PHLPP1: variants seen among roughly 807,000 people sequenced by gnomAD.
PHLPP1 encodes PH domain leucine-rich repeat-containing protein phosphatase 1.
Under a neutral mutation model 117.2 loss-of-function variants are expected in PHLPP1, and 42 were observed. The ratio of observed to expected loss-of-function variants is 0.36; its 90% CI spans 0.28 to 0.46. The LOEUF (loss-of-function observed/expected upper bound fraction) is 0.46, where lower values mean the gene tolerates loss of function less well. Among genes scored for constraint, PHLPP1 ranks in the 20% least tolerant of loss-of-function variants. The pLI is 1.00. For missense variants in PHLPP1, 2,084 were observed against 2,241.9 expected (o/e 0.93, Z 1.42); for synonymous variants, 1,042 against 970.7 (o/e 1.07, Z -1.37).
At chr18:62,808,879 C>A (rs1399995479) in intron 1 of PHLPP1, among the ~76,000 whole-genome samples, 1 of 152,080 alleles carries the variant, frequency 6.6e-6, no homozygotes, top group African/African-American at 2.4e-5. Context: ...ATGTGATTCC[C>A]TAGTACACTG....
chr18:62,842,027 A>C (rs545480246), intron 3 of PHLPP1, among the ~76,000 whole-genome samples: 2 of 152,304 alleles, frequency 1.3e-5, no homozygotes, highest in Admixed American at 1.3e-4. Flanking sequence ...AAGGGGAATA[A>C]TAATAATAAT....
rs575104627 is a variant in PHLPP1, at chr18:62,819,655, T to C, written c.1577-10380T>C. ...AGAAACCTATTTTATTTTATTATTA[T>C]TTATTTAGAGACAGAATTTTACTCT... On this transcript the variant is annotated intron_variant, in intron 1 of 16. Coordinates refer to ENST00000262719, the MANE Select transcript of PHLPP1 (RefSeq NM_194449.4). 5.9e-5 allele frequency among the ~76,000 whole-genome samples: 9 copies of C among 152,326 alleles called. No homozygotes were observed. The South Asian group carries it at 1.9e-3, about 32-fold the overall frequency.
intron 5 of PHLPP1, among the ~76,000 whole-genome samples, 198 bp downstream of exon 5, chr18:62,895,355 A>G (rs1916531041): frequency 6.6e-6 from 1 of 152,252 alleles, no homozygotes; most frequent in Non-Finnish European, 1.5e-5. Flanking sequence ...TAAAAAAATT[A>G]AATATTCTTG....
Position 62,860,577 on chromosome 18 carries a change from C to G in PHLPP1, c.2042C>G (p.Ala681Gly). 1 of 1,613,076 alleles carries G rather than the reference C, an allele frequency of 6.2e-7. No homozygotes were observed. Among genetic ancestry groups the G allele is most frequent in the Non-Finnish European group, 8.5e-7 (1 of 1,179,514 alleles). Residue 681 changes from alanine to glycine, a missense_variant, in exon 4 of 17, where the codon GCC (alanine) becomes GGC (glycine). Ala to Gly is a moderately conservative substitution (Grantham distance 60). Around this residue, in one of 2 missense-constraint regions of PHLPP1, gnomAD observed 1,365 missense variants for 1,605.9 expected, o/e 0.85. Transcript: ENST00000262719. ...FLRQNPSLPA[A>G]RGLNELQRFT... ...AGGCAGAACCCTAGCCTTCCAGCTGCCAGGGGGCTTAATGAACTGCAAAGG... is the reference window on the plus strand; with the variant it reads ...AGGCAGAACCCTAGCCTTCCAGCTGGCAGGGGGCTTAATGAACTGCAAAGG...
intron 1 of PHLPP1, among the ~76,000 whole-genome samples, chr18:62,744,431 T>C (rs554754716): frequency 6.6e-6 from 1 of 152,382 alleles, no homozygotes; most frequent in South Asian, 2.1e-4. Context: ...TAAGAATTGA[T>C]GTTTATTCAG....
At chr18:62,777,017 TGAAC>T (rs368522677) in intron 1 of PHLPP1, among the ~76,000 whole-genome samples, 54 of 152,384 alleles carry the variant, frequency 3.5e-4, no homozygotes, top group African/African-American at 9.9e-4. Flanking sequence ...CAATGTGTTA[TGAAC>T]ATTGGTGTTA....
intron 4 of PHLPP1, among the ~76,000 whole-genome samples, chr18:62,893,684 G>T (rs759842812): frequency 2.0e-5 from 3 of 152,192 alleles, no homozygotes; most frequent in East Asian, 1.9e-4. Flanking sequence ...AGGATTAGAC[G>T]TGGGCGGTTT....
At position 62,715,895 on chromosome 18, in the gene PHLPP1, G is replaced by T. The variant is rs1319030333; in HGVS notation, c.212G>T (p.Arg71Leu). Reference protein sequence around the residue: ...SGGNGSGSGAREEAPGEAPPG... With the variant: ...SGGNGSGSGALEEAPGEAPPG... ...GGGAACGGCAGCGGCAGCGGGGCGCGGGAAGAGGCCCCAGGCGAGGCGCCG... is the reference window on the plus strand; with the variant it reads ...GGGAACGGCAGCGGCAGCGGGGCGCTGGAAGAGGCCCCAGGCGAGGCGCCG... The change falls in exon 1 of 17, where the codon CGG (arginine) becomes CTG (leucine). Residue 71 changes from arginine to leucine, a missense_variant. Coordinates refer to ENST00000262719, the MANE Select transcript of PHLPP1 (RefSeq NM_194449.4). 3.4e-6 allele frequency: 3 copies of T among 887,398 alleles called. No homozygotes were observed. Among genetic ancestry groups the T allele is most frequent in the African/African-American group, 1.8e-5 (1 of 54,720 alleles). The allele number at this position is 887,398 out of a possible 1,614,324, so 55.0% of individuals were successfully genotyped here.
chr18:62,868,804 A>G (rs896561874), intron 4 of PHLPP1, among the ~76,000 whole-genome samples: 1 of 152,218 alleles, frequency 6.6e-6, no homozygotes, highest in Non-Finnish European at 1.5e-5. Flanking sequence ...TTACTGAGCC[A>G]TGTGGTATGA....
At chr18:62,846,776 A>T (rs1191748069) in intron 3 of PHLPP1, among the ~76,000 whole-genome samples, 1 of 152,194 alleles carries the variant, frequency 6.6e-6, no homozygotes, top group East Asian at 1.9e-4. Context: ...ATTTAGGGAG[A>T]AGGTAACATT....
rs766988358 is a variant in PHLPP1, at chr18:62,978,788, G to A, written c.4511G>A (p.Ser1504Asn). The A allele has an allele frequency of 2.5e-6, 4 of 1,612,546 alleles. No individual in the cohort carries two copies. Among genetic ancestry groups the A allele is most frequent in the Admixed American group, 1.7e-5 (1 of 59,882 alleles). Residue 1504 changes from serine (S) to asparagine (N), a missense_variant, in exon 17 of 17, where the codon AGC becomes AAC. Coordinates refer to ENST00000262719, the MANE Select transcript of PHLPP1 (RefSeq NM_194449.4). This position sits in a 1 kb window ranked among gnomAD's most constrained non-coding sequence, Gnocchi z 7.0. ...ASDEPPPGALSENSPAYPSEQ... is the reference protein window; with the variant it reads ...ASDEPPPGALNENSPAYPSEQ... ...GATGAGCCCCCGCCCGGAGCCCTAA[G>A]CGAGAACAGCCCTGCCTACCCCAGT...
At chr18:62,935,597 G>C (rs1220783701) in intron 10 of PHLPP1, among the ~76,000 whole-genome samples, 1 of 152,156 alleles carries the variant, frequency 6.6e-6, no homozygotes, top group Non-Finnish European at 1.5e-5. Flanking sequence ...ATTAATACAA[G>C]GGAGAGACAA....
intron 1 of PHLPP1, among the ~76,000 whole-genome samples, chr18:62,805,977 T>TA (rs1913939722): frequency 6.6e-6 from 1 of 152,164 alleles, no homozygotes; most frequent in Non-Finnish European, 1.5e-5. Context: ...TAAATGACTT[T>TA]AAAAGTTCTC....
intron 1 of PHLPP1, among the ~76,000 whole-genome samples, chr18:62,819,301 G>A (rs940243572): frequency 6.6e-6 from 1 of 152,176 alleles, no homozygotes; most frequent in African/African-American, 2.4e-5. Context: ...TGTTCATGAA[G>A]TGGTATAATA....
chr18:62,894,878 CCT>C (rs1443536113), intron 4 of PHLPP1, 131 bp from the exon 5 acceptor site: 10 of 657,144 alleles, frequency 1.5e-5, no homozygotes, highest in Non-Finnish European at 2.6e-5. Flanking sequence ...TGCTCCTTAA[CCT>C]CTCTGGGGCC....
chr18:62,945,988 T>C (rs927303397), intron 12 of PHLPP1, among the ~76,000 whole-genome samples: 1 of 152,262 alleles, frequency 6.6e-6, no homozygotes, highest in Non-Finnish European at 1.5e-5. Flanking sequence ...TTTGTTTCTT[T>C]TCTGGCAGGG....
chr18:62,787,840 T>C (rs1209869280), intron 1 of PHLPP1, among the ~76,000 whole-genome samples: 1 of 152,124 alleles, frequency 6.6e-6, no homozygotes, highest in Non-Finnish European at 1.5e-5. Context: ...GATCCCATGG[T>C]GTTATGGATT....
intron 10 of PHLPP1, among the ~76,000 whole-genome samples, chr18:62,941,173 T>G (rs760461530): frequency 6.6e-6 from 1 of 152,234 alleles, no homozygotes; most frequent in Non-Finnish European, 1.5e-5. Flanking sequence ...TGCTTTGGAC[T>G]TTATACTGAA....
chr18:62,774,045 A>T (rs1301715458), intron 1 of PHLPP1, among the ~76,000 whole-genome samples: 1 of 152,178 alleles, frequency 6.6e-6, no homozygotes, highest in Non-Finnish European at 1.5e-5. Context: ...CCGTCACATT[A>T]GGGGTTAGTA....
Sources: gnomAD v4.1 joint callset for allele counts (sites outside exome capture counted in the v4.1 genomes callset) on GRCh38, gnomAD v4.1.1 for gene constraint, gnomAD v4.1.1 regional missense constraint, Gnocchi (gnomAD v3.1) non-coding constraint, MANE v1.5 for transcripts, NCBI Gene and HGNC (gene_info 2026-07-23, HGNC 2026-07-21) for gene names.